The following PAK6 variants were observed in gnomAD, a reference collection of about 807,000 sequenced individuals.
The protein encoded by PAK6 is serine/threonine-protein kinase PAK 6.
A neutral mutation model predicts 60.8 loss-of-function variants in PAK6; 33 were observed. The observed-to-expected ratio is 0.54, with a 90% CI of 0.41 to 0.73. PAK6 has a LOEUF of 0.73. Among genes scored for constraint, PAK6 ranks in the 30% least tolerant of loss-of-function variants. PAK6 has a pLI of 0.00. For missense variants in PAK6, 845 were observed against 904.1 expected (o/e 0.93, Z 0.84); for synonymous variants, 404 against 378.5 (o/e 1.07, Z -0.78).
At chr15:40,273,100 G>T in intron 7 of PAK6, 101 bp downstream of exon 7, 2 of 1,451,330 alleles carry the variant, frequency 1.4e-6, no homozygotes, top group Admixed American at 2.0e-5. Context: ...GACTTGGGAT[G>T]CCTGGGCTCC....
exon 11 of PAK6, chr15:40,276,552 G>A (rs34042288): frequency 2.5e-5 from 4 of 157,432 alleles, no homozygotes; most frequent in Non-Finnish European, 5.6e-5. Flanking sequence ...TTTTATGACC[G>A]GAATCCCGCT....
At chr15:40,275,295 T>TTTTTTTTTTTTTTG in intron 10 of PAK6, among the ~76,000 whole-genome samples, 1 of 115,234 alleles carries the variant, frequency 8.7e-6, no homozygotes, top group Non-Finnish European at 1.8e-5. Context: ...TTTTTTTTTT[T>TTTTTTTTTTTTTTG]TTTTTTTGGA....
rs1228490256 is a variant in PAK6 at position 40,255,381 on chromosome 15, T to TCTGCCCTGGCCCATGCTGC, written c.-6+2093_-6+2111dup. Among the ~76,000 whole-genome samples the TCTGCCCTGGCCCATGCTGC allele has an allele frequency of 1.5e-4, 23 of 152,338 alleles. No individual in the cohort carries two copies. The East Asian group carries it at 4.2e-3, about 28-fold the overall frequency. On this transcript the variant is annotated intron_variant, in intron 3 of 10. Coordinates refer to ENST00000560346, the Ensembl canonical transcript of PAK6. ...TTTTGGCAGGTTGCATGTCATGCTG[T>TCTGCCCTGGCCCATGCTGC]CTGCCCTGGCCCATGCTGCATCTGT...
chr15:40,261,696 T>C (rs35284033), intron 3 of PAK6, among the ~76,000 whole-genome samples: 18,342 of 152,160 alleles, frequency 0.12, 1,390 homozygotes, highest in Admixed American at 0.24. Flanking sequence ...CCTAGCTGCC[T>C]CCCTTTAGGT....
chr15:40,266,324 A>G, exon 5 of PAK6: 1 of 1,612,186 alleles, frequency 6.2e-7, no homozygotes, highest in Non-Finnish European at 8.5e-7. Flanking sequence ...AGGCCCGGCC[A>G]CAGTCCTGCC....
chr15:40,252,856 T>C, intron 2 of PAK6: 2 of 1,261,502 alleles, frequency 1.6e-6, no homozygotes, highest in African/African-American at 3.2e-5. Flanking sequence ...GAGCGGGACC[T>C]CCCTCCGCGG....
exon 6 of PAK6, chr15:40,272,308 G>C (rs1194032400): frequency 6.2e-7 from 1 of 1,614,022 alleles, no homozygotes; most frequent in Non-Finnish European, 8.5e-7. Context: ...GGACCAGCCG[G>C]TGGGGACCTT....
intron 5 of PAK6, among the ~76,000 whole-genome samples, chr15:40,267,642 G>A (rs1257328301): frequency 2.6e-5 from 4 of 152,180 alleles, no homozygotes; most frequent in Non-Finnish European, 4.4e-5. Context: ...CTGGGGGACA[G>A]ACAGAGCGAG....
chr15:40,248,418 C>T (rs749988462), intron 2 of PAK6, among the ~76,000 whole-genome samples: 28 of 152,166 alleles, frequency 1.8e-4, no homozygotes, highest in Non-Finnish European at 2.6e-4. Flanking sequence ...GAGTGGGCAG[C>T]GACCCCTCTA....
chr15:40,252,732 C>T lies in PAK6; in HGVS notation c.-117-446C>T, dbSNP rs375708542. ...GCCCCGGAGGTTCGCGGCGAGAGGA[C>T]GGGCCTCCCAACACGCGCAGCCCCC... On this transcript the variant is annotated intron_variant, in intron 2 of 10. Transcript: ENST00000560346. The T allele has an allele frequency of 6.5e-5, 85 of 1,302,878 alleles. No individual in the cohort carries two copies. In the African/African-American group the frequency reaches 1.2e-3, roughly 18 times the overall value. 80.7% of individuals were successfully genotyped at this position (1,302,878 alleles called of 1,614,324 possible).
At chr15:40,275,027 T>C (rs1185769565) in intron 10 of PAK6, among the ~76,000 whole-genome samples, 1 of 152,180 alleles carries the variant, frequency 6.6e-6, no homozygotes, top group African/African-American at 2.4e-5. Flanking sequence ...CAACTGGTCC[T>C]TGGAGCCCGC....
chr15:40,240,732 G>T (rs1327858160), intron 2 of PAK6, 51 bp downstream of exon 2: 1 of 424,292 alleles, frequency 2.4e-6, no homozygotes, highest in South Asian at 1.7e-5. Flanking sequence ...CTAGGGACGG[G>T]GGTGCCAAGG....
chr15:40,273,149 A>G lies in PAK6; in HGVS notation c.1490+150A>G, dbSNP rs569317176. ...GTAACTGAGACCCAGGGGTCTTGGGAGTGGAGAAGAGAAGGATAGCTTCTA... is the reference window on the plus strand; with the variant it reads ...GTAACTGAGACCCAGGGGTCTTGGGGGTGGAGAAGAGAAGGATAGCTTCTA... On this transcript the variant is annotated intron_variant, in intron 7 of 10. Coordinates refer to ENST00000560346, the Ensembl canonical transcript of PAK6. The G allele has an allele frequency of 4.2e-6, 5 of 1,184,110 alleles. No homozygotes were observed. In the South Asian group the frequency reaches 7.5e-5, roughly 18 times the overall value. 73.4% of individuals were successfully genotyped at this position (1,184,110 alleles called of 1,614,324 possible).
exon 5 of PAK6, chr15:40,265,994 T>C: frequency 6.2e-7 from 1 of 1,601,938 alleles, no homozygotes; most frequent in East Asian, 2.3e-5. Context: ...TGCTGGGGGA[T>C]GAGCACTGGG....
intron 3 of PAK6, among the ~76,000 whole-genome samples, chr15:40,255,013 G>T (rs1439845623): frequency 6.6e-6 from 1 of 152,210 alleles, no homozygotes; most frequent in Non-Finnish European, 1.5e-5. Context: ...AGGTGAAATA[G>T]AGGTCTGGAA....
chr15:40,273,866 A>G, intron 9 of PAK6, 190 bp downstream of exon 9: 1 of 740,056 alleles, frequency 1.4e-6, no homozygotes. Context: ...CGAGTCCTGC[A>G]AGTGCTTTCC....
At chr15:40,276,203 T>C (rs2039451402) in exon 11 of PAK6, 6 of 1,117,662 alleles carry the variant, frequency 5.4e-6, no homozygotes, top group Non-Finnish European at 7.9e-6. Context: ...TCTCCAAAGA[T>C]TGAAATGTGA....
intron 3 of PAK6, among the ~76,000 whole-genome samples, chr15:40,254,228 G>C (rs540920261): frequency 2.0e-5 from 3 of 152,200 alleles, no homozygotes; most frequent in Non-Finnish European, 4.4e-5. Context: ...CTCCTCATTA[G>C]GCGGTTGTGG....
chr15:40,276,749 C>CGTTCGTGTGTGTGT, exon 11 of PAK6: 1 of 134,514 alleles, frequency 7.4e-6, no homozygotes, highest in Admixed American at 7.6e-5. Flanking sequence ...GAGAGAACAT[C>CGTTCGTGTGTGTGT]GTGTGTGTGT....
Sources: gnomAD v4.1 joint callset for allele counts (sites outside exome capture counted in the v4.1 genomes callset) on GRCh38, gnomAD v4.1.1 for gene constraint, MANE v1.5 for transcripts, NCBI Gene and HGNC (gene_info 2026-07-23, HGNC 2026-07-21) for gene names.